Variants in ANXA4 observed in about 807,000 individuals in gnomAD.
The protein encoded by ANXA4 is annexin A4.
A neutral mutation model predicts 49.8 loss-of-function variants in ANXA4; 39 were observed. The ratio of observed to expected loss-of-function variants is 0.78; its 90% CI spans 0.61 to 1.02. The LOEUF (loss-of-function observed/expected upper bound fraction) is 1.02. Among genes scored for constraint, ANXA4 ranks in the 50% least tolerant of loss-of-function variants. The pLI is 0.00. For synonymous variants in ANXA4, 134 were observed against 152.5 expected, an observed-to-expected ratio of 0.88 and a Z score of 0.89; for missense variants, 360 against 410.1, an observed-to-expected ratio of 0.88 and a Z score of 1.05.
chr2:69,735,229 G>A (rs1004471076), intron 3 of ANXA4, among the ~76,000 whole-genome samples: 4 of 152,190 alleles, frequency 2.6e-5, no homozygotes, highest in South Asian at 2.1e-4. Context: ...AGGTAAGGAA[G>A]TATATACACA....
chr2:69,658,140 G>A (rs1239578714), intron 2 of ANXA4, among the ~76,000 whole-genome samples: 1 of 152,040 alleles, frequency 6.6e-6, no homozygotes, highest in African/African-American at 2.4e-5. Flanking sequence ...GCACACACCT[G>A]TAATCCCAGC....
intron 12 of ANXA4, among the ~76,000 whole-genome samples, chr2:69,825,245 C>A (rs1478771347): frequency 1.3e-5 from 2 of 151,996 alleles, no homozygotes; most frequent in Admixed American, 6.6e-5. Flanking sequence ...GAATAGTAGT[C>A]TCTAGATGAT....
At chr2:69,810,454 C>CTG (rs1277615315) in intron 6 of ANXA4, 140 bp from the exon 7 acceptor site, 1 of 656,330 alleles carries the variant, frequency 1.5e-6, no homozygotes, top group Non-Finnish European at 2.8e-6. Context: ...TTTTGAAAAA[C>CTG]TGTGTGTGGG....
At chr2:69,806,201 G>A (rs1673435381) in intron 4 of ANXA4, among the ~76,000 whole-genome samples, 184 bp from the exon 5 acceptor site, 1 of 152,184 alleles carries the variant, frequency 6.6e-6, no homozygotes, top group Non-Finnish European at 1.5e-5. Context: ...AAACCCCACT[G>A]TATGCTTGTG....
chr2:69,773,941 T>C (rs1026816563), intron 1 of ANXA4, among the ~76,000 whole-genome samples: 1 of 151,990 alleles, frequency 6.6e-6, no homozygotes, highest in Non-Finnish European at 1.5e-5. Context: ...CAAGCAATTC[T>C]TGTACCTCAG....
chr2:69,739,769 T>C (rs746847558), upstream of ANXA4, among the ~76,000 whole-genome samples: 3 of 152,098 alleles, frequency 2.0e-5, no homozygotes, highest in African/African-American at 2.4e-5. Context: ...TCAACAATTA[T>C]ATTAATTTTT....
chr2:69,819,238 T>TATCTGTA (rs746209029), intron 10 of ANXA4, 42 bp from the exon 11 acceptor site: 11 of 1,426,478 alleles, frequency 7.7e-6, no homozygotes, highest in Non-Finnish European at 1.1e-5. Context: ...TCATGGGTCT[T>TATCTGTA]ATCTGTAATC....
chr2:69,810,382 AC>A (rs1673645602), intron 6 of ANXA4: 1 of 536,952 alleles, frequency 1.9e-6, no homozygotes, highest in Admixed American at 3.0e-5. Context: ...AAGAAACAAA[AC>A]AAAAACAGGA....
At position 69,825,488 on chromosome 2, in the gene ANXA4, G is replaced by A. The variant is rs1167775433; in HGVS notation, c.939G>A (p.Leu313=). 2.5e-6 allele frequency: 4 copies of A among 1,609,608 alleles called. No homozygotes were observed. The South Asian group carries it at 4.4e-5, about 18-fold the overall frequency. The change falls in exon 13 of 13, where the codon CTG becomes CTA. Residue 313 remains leucine, a synonymous_variant. Transcript: ENST00000394295. The stretch of plus-strand genomic sequence containing the variant: ...CATCTGGAGACTACAGGAAAGTACT[G>A]CTTGTTCTCTGTGGAGGAGATGATT... ...GDTSGDYRKV[L]LVLCGGDD is the part of the protein sequence containing the mutation.
chr2:69,651,606 C>T (rs1482681883), intron 1 of ANXA4, among the ~76,000 whole-genome samples: 1 of 149,206 alleles, frequency 6.7e-6, no homozygotes, highest in Non-Finnish European at 1.5e-5. Context: ...GGGTTCACGC[C>T]ATTCTCCTGC....
At chr2:69,811,772 C>A (rs905580191) in intron 7 of ANXA4, among the ~76,000 whole-genome samples, 1 of 152,160 alleles carries the variant, frequency 6.6e-6, no homozygotes, top group Non-Finnish European at 1.5e-5. Context: ...AGAAGCAGAA[C>A]CCTGGAAATC....
Position 69,804,536 on chromosome 2 carries a change from C to T in ANXA4, c.101C>T (p.Thr34Ile). The T allele has an allele frequency of 6.2e-6, 10 of 1,613,588 alleles. No individual in the cohort carries two copies. Among genetic ancestry groups the T allele is most frequent in the Non-Finnish European group, 8.5e-6 (10 of 1,179,616 alleles). ...GCTGTCTCCCTTCTTCCCCCAGGCA[C>T]CGATGAAGACGCCATTATTAGCGTC... is the stretch of plus-strand genomic sequence containing the variant. ...TLRKAMKGLG[T>I]DEDAIISVLA... is the part of the protein sequence containing the mutation. The change falls in exon 4 of 13, where the codon ACC (threonine) becomes ATC (isoleucine). Residue 34 changes from threonine (T) to isoleucine (I), a missense_variant. Transcript: ENST00000394295.
intron 12 of ANXA4, among the ~76,000 whole-genome samples, chr2:69,823,593 G>A (rs7563062): frequency 0.59 from 90,070 of 151,856 alleles, 29,259 homozygotes; most frequent in African/African-American, 0.86. Flanking sequence ...GAAGAATTTA[G>A]GGAGAAAAAG....
intron 2 of ANXA4, among the ~76,000 whole-genome samples, chr2:69,655,041 G>C (rs1004390228): frequency 6.6e-6 from 1 of 152,124 alleles, no homozygotes; most frequent in Non-Finnish European, 1.5e-5. Context: ...ATGGATTAAA[G>C]ACTTAAATGT....
At position 69,826,847 on chromosome 2, in the gene ANXA4, T is replaced by A. The variant is rs1478369784; in HGVS notation, c.*1332T>A. 6.6e-6 allele frequency: 1 copy of A among 152,060 alleles called. No homozygotes were observed. The highest frequency in any genetic ancestry group is 1.5e-5 in the Non-Finnish European group (1 of 68,012). 9.4% of individuals were successfully genotyped at this position (152,060 alleles called of 1,614,324 possible). On this transcript the variant is annotated 3_prime_UTR_variant, in exon 13 of 13. Transcript: ENST00000394295. ...TCTTTCTCTGATCCACTTTTCACCT[T>A]CTGAGGTTTTTCATCTTGGCCCCTG...
chr2:69,722,403 G>A (rs2105429747), intron 3 of ANXA4, among the ~76,000 whole-genome samples: 1 of 152,294 alleles, frequency 6.6e-6, no homozygotes, highest in African/African-American at 2.4e-5. Context: ...ATCAGAATAT[G>A]GTATGTATAT....
intron 2 of ANXA4, among the ~76,000 whole-genome samples, chr2:69,677,085 G>A (rs1396143434): frequency 6.6e-6 from 1 of 151,830 alleles, no homozygotes; most frequent in Non-Finnish European, 1.5e-5. Context: ...CAAAGTGTTG[G>A]GATTATAGGC....
intron 1 of ANXA4, among the ~76,000 whole-genome samples, chr2:69,759,353 A>G (rs1671183120): frequency 6.6e-6 from 1 of 152,230 alleles, no homozygotes; most frequent in Non-Finnish European, 1.5e-5. Context: ...GAATAAACAG[A>G]AAGTAGATGG....
intron 1 of ANXA4, among the ~76,000 whole-genome samples, chr2:69,647,478 G>A (rs779555750): frequency 1.3e-5 from 2 of 151,258 alleles, no homozygotes; most frequent in Non-Finnish European, 2.9e-5. Context: ...GCGTGATCTC[G>A]TCTCACTGCA....
Sources: gnomAD v4.1 joint callset for allele counts (sites outside exome capture counted in the v4.1 genomes callset) on GRCh38, gnomAD v4.1.1 for gene constraint, MANE v1.5 for transcripts, NCBI Gene and HGNC (gene_info 2026-07-23, HGNC 2026-07-21) for gene names.